Variants in YIPF7 observed in about 807,000 individuals in gnomAD.
The protein encoded by YIPF7 is Yip1 domain family member 7.
In YIPF7, 35 loss-of-function variants were observed where a neutral mutation model predicts 27.2. The observed-to-expected ratio is 1.29, with a 90% CI of 0.98 to 1.70. The LOEUF (loss-of-function observed/expected upper bound fraction) is 1.70, where lower values mean the gene tolerates loss of function less well. YIPF7 is among the 40% of genes most tolerant of loss of function. The pLI is 0.00. For missense variants in YIPF7, 358 were observed against 303.7 expected (o/e 1.18, Z -1.33); for synonymous variants, 137 against 110.4 (o/e 1.24, Z -1.51).
At chr4:44,641,365 C>T (rs2109591397) in intron 2 of YIPF7, among the ~76,000 whole-genome samples, 1 of 152,230 alleles carries the variant, frequency 6.6e-6, no homozygotes, top group East Asian at 1.9e-4. Context: ...AAAAGAGTCC[C>T]TTTTTGAAAA....
chr4:44,633,430 G>A (rs1457267029), intron 3 of YIPF7, among the ~76,000 whole-genome samples: 1 of 150,812 alleles, frequency 6.6e-6, no homozygotes, highest in Non-Finnish European at 1.5e-5. Flanking sequence ...AAAAAAATTA[G>A]TTAAGCAGCA....
chr4:44,650,206 C>A, intron 1 of YIPF7, 105 bp from the exon 2 acceptor site: 1 of 738,042 alleles, frequency 1.4e-6, no homozygotes, highest in Admixed American at 2.4e-5. Context: ...GAATTCCTAT[C>A]AGAAAAAAAG....
At chr4:44,656,396 G>A (rs1713902386), upstream of YIPF7, among the ~76,000 whole-genome samples, 1 of 151,924 alleles carries the variant, frequency 6.6e-6, no homozygotes, top group Non-Finnish European at 1.5e-5. Context: ...CTTAGGTGCT[G>A]TTTATTTCAT....
At chr4:44,651,434 A>C (rs1280529606) in intron 1 of YIPF7, 120 bp downstream of exon 1, 2 of 524,616 alleles carry the variant, frequency 3.8e-6, no homozygotes, top group African/African-American at 3.9e-5. Context: ...TTGAGAATAC[A>C]CTAAATTTTC....
intron 2 of YIPF7, among the ~76,000 whole-genome samples, chr4:44,643,279 T>A (rs922101286): frequency 2.6e-5 from 4 of 152,086 alleles, no homozygotes; most frequent in African/African-American, 9.7e-5. Context: ...AAGTGTGAAA[T>A]TTTAAAAGTT....
At chr4:44,660,921 G>C (rs1215686835) in intron 1 of YIPF7, among the ~76,000 whole-genome samples, 1 of 152,094 alleles carries the variant, frequency 6.6e-6, no homozygotes, top group Non-Finnish European at 1.5e-5. Context: ...CTGGTGCCCA[G>C]GTTAATGTGA....
intron 1 of YIPF7, among the ~76,000 whole-genome samples, chr4:44,650,375 AC>A (rs1427055541): frequency 6.6e-6 from 1 of 152,222 alleles, no homozygotes; most frequent in East Asian, 1.9e-4. Context: ...ATCTGAAAGA[AC>A]TAATCTTCTC....
chr4:44,661,965 C>G (rs1420079009), intron 1 of YIPF7, among the ~76,000 whole-genome samples: 1 of 152,180 alleles, frequency 6.6e-6, no homozygotes, highest in Admixed American at 6.5e-5. Context: ...GTACTGTCAG[C>G]CTTTTTCTCT....
intron 1 of YIPF7, among the ~76,000 whole-genome samples, chr4:44,661,863 T>A (rs1014814384): frequency 6.6e-6 from 1 of 152,220 alleles, no homozygotes; most frequent in East Asian, 1.9e-4. Context: ...TGGTCTTTAA[T>A]TACCAAGTTA....
intron 2 of YIPF7, among the ~76,000 whole-genome samples, chr4:44,659,888 T>C (rs7662490): frequency 0.54 from 82,425 of 151,328 alleles, 23,415 homozygotes; most frequent in Non-Finnish European, 0.64. Flanking sequence ...CCAAGGCAGG[T>C]GGATCACAAG....
chr4:44,641,185 T>C (rs1256000173), intron 2 of YIPF7, among the ~76,000 whole-genome samples: 1 of 152,144 alleles, frequency 6.6e-6, no homozygotes, highest in Admixed American at 6.6e-5. Context: ...GTATGCTGCC[T>C]ATTTTCCTTC....
At chr4:44,659,612 G>C (rs1389934593) in intron 2 of YIPF7, among the ~76,000 whole-genome samples, 1 of 152,050 alleles carries the variant, frequency 6.6e-6, no homozygotes, top group African/African-American at 2.4e-5. Flanking sequence ...TATCAAGTTA[G>C]CAAAGATACA....
rs758710102 is a variant in YIPF7, at chr4:44,629,559, G to GA, written c.281-12dup. On this transcript the variant is annotated splice_polypyrimidine_tract_variant and intron_variant, in intron 3 of 5. Coordinates refer to ENST00000415895, the MANE Select transcript of YIPF7 (RefSeq NM_182592.3). ...AATGGATTCCAAGTTCTGTAAAAAG[G>GA]AAAAAAGATAAATAATATGATAACA... The GA allele has an allele frequency of 6.6e-6, 10 of 1,505,664 alleles. No individual in the cohort carries two copies. Among genetic ancestry groups the GA allele is most frequent in the South Asian group, 1.3e-5 (1 of 75,364 alleles). 93.3% of individuals were successfully genotyped at this position (1,505,664 alleles called of 1,614,324 possible).
At chr4:44,639,405 C>A (rs1713248313) in intron 2 of YIPF7, among the ~76,000 whole-genome samples, 1 of 152,030 alleles carries the variant, frequency 6.6e-6, no homozygotes, top group South Asian at 2.1e-4. Context: ...AGATATCTTT[C>A]ACCTCCTTGG....
chr4:44,632,496 T>A (rs1712941761), intron 3 of YIPF7, among the ~76,000 whole-genome samples: 1 of 152,208 alleles, frequency 6.6e-6, no homozygotes, highest in African/African-American at 2.4e-5. Flanking sequence ...GTTAACATAT[T>A]GATTTTACAT....
At chr4:44,653,794 G>A (rs548345164), upstream of YIPF7, among the ~76,000 whole-genome samples, 118 of 152,138 alleles carry the variant, frequency 7.8e-4, no homozygotes, top group Non-Finnish European at 1.3e-3. Flanking sequence ...TTCTTTCAAA[G>A]TTCTTTACGT....
chr4:44,641,955 C>T (rs1405402338), intron 2 of YIPF7, among the ~76,000 whole-genome samples: 1 of 152,088 alleles, frequency 6.6e-6, no homozygotes, highest in African/African-American at 2.4e-5. Context: ...ATCCGAATGG[C>T]TTTTTTATTG....
In YIPF7 at chr4:44,622,574, C is replaced by T. The variant is rs376355006; in HGVS notation, c.611G>A (p.Gly204Asp). 8 of 1,612,226 alleles carry T rather than the reference C, an allele frequency of 5.0e-6. No homozygotes were observed. Among genetic ancestry groups the T allele is most frequent in the Admixed American group, 3.4e-5 (2 of 59,686 alleles). ...CAGGGATGACATGATTCCAAAGATG[C>T]CCCTGCAGCAAAGACAAAGAAATGA... ...SGCAMFFSLQGIFGIMSSLVI... is the reference protein window; with the variant it reads ...SGCAMFFSLQDIFGIMSSLVI... The change falls in exon 6 of 6, where the codon GGC becomes GAC. Residue 204 changes from glycine (G) to aspartate (D), a missense_variant and splice_region_variant. Coordinates refer to ENST00000415895, the MANE Select transcript of YIPF7 (RefSeq NM_182592.3).
At chr4:44,633,412 G>A (rs1712991747) in intron 3 of YIPF7, among the ~76,000 whole-genome samples, 1 of 151,966 alleles carries the variant, frequency 6.6e-6, no homozygotes, top group Non-Finnish European at 1.5e-5. Flanking sequence ...TTCAACAAAT[G>A]CTGCAGGAAA....
Sources: gnomAD v4.1 joint callset for allele counts (sites outside exome capture counted in the v4.1 genomes callset) on GRCh38, gnomAD v4.1.1 for gene constraint, MANE v1.5 for transcripts, NCBI Gene and HGNC (gene_info 2026-07-23, HGNC 2026-07-21) for gene names.